The following NFASC variants were observed in gnomAD, a reference collection of about 807,000 sequenced individuals.
NFASC encodes neurofascin.
A neutral mutation model predicts 147.5 loss-of-function variants in NFASC; 43 were observed. The observed-to-expected ratio is 0.29, with a 90% CI of 0.23 to 0.38. The LOEUF (loss-of-function observed/expected upper bound fraction) is 0.38, where lower values mean the gene tolerates loss of function less well. Ranked by LOEUF, NFASC falls within the 10% of genes least tolerant of loss-of-function variation. The probability of loss-of-function intolerance (pLI) is 1.00; values close to 1 mark genes in which losing one functional copy is unlikely to be tolerated. For missense variants in NFASC, 1,320 were observed against 1,689.0 expected (o/e 0.78, Z 3.83); for synonymous variants, 622 against 665.5 (o/e 0.93, Z 1.01).
chr1:204,929,684 T>TGCTCCCTGGGGAATGGGAGCTGGGGAGTC (rs1251686496), intron 2 of NFASC, among the ~76,000 whole-genome samples: 85 of 152,162 alleles, frequency 5.6e-4, no homozygotes, highest in Non-Finnish European at 1.1e-3. Context: ...CTGTGGCAGG[T>TGCTCCCTGGGGAATGGGAGCTGGGGAGTC]GCTCCCTGGG....
chr1:204,832,488 G>A (rs1672506512), intron 1 of NFASC, among the ~76,000 whole-genome samples: 1 of 152,148 alleles, frequency 6.6e-6, no homozygotes, highest in South Asian at 2.1e-4. Context: ...AGTCATTGAT[G>A]GGGAGGGCAA....
intron 1 of NFASC, among the ~76,000 whole-genome samples, chr1:204,887,586 CTTTTTTTTT>C (rs200468415): frequency 7.1e-5 from 3 of 42,336 alleles, no homozygotes; most frequent in East Asian, 5.2e-4. Flanking sequence ...GCCTGATTGG[CTTTTTTTTT>C]TTTTTTTTTT....
intron 27 of NFASC, among the ~76,000 whole-genome samples, chr1:205,006,226 A>C: frequency 6.6e-6 from 1 of 152,174 alleles, no homozygotes; most frequent in South Asian, 2.1e-4. Context: ...AGTAAGATTA[A>C]ATTCACCCAT....
chr1:204,870,592 C>A, intron 1 of NFASC: 1 of 882,666 alleles, frequency 1.1e-6, no homozygotes, highest in Non-Finnish European at 1.4e-6. Flanking sequence ...GTCTCTCTGT[C>A]TATCCCCTCA....
chr1:204,987,136 T>C lies in NFASC; in HGVS notation c.2471-282T>C. ...TGCAGAATCAGAGCCTAACATGTGC[T>C]GAATCCAGAGTAGTTGCTAGAAGAA... On this transcript the variant is annotated intron_variant, in intron 21 of 29. Transcript: ENST00000339876. This position sits in a 1 kb window ranked among gnomAD's most constrained non-coding sequence, Gnocchi z 4.4. 1 of 479,564 alleles carries C rather than the reference T, an allele frequency of 2.1e-6. No individual in the cohort carries two copies. Among genetic ancestry groups the C allele is most frequent in the Non-Finnish European group, 3.7e-6 (1 of 267,282 alleles). The allele number at this position is 479,564 out of a possible 1,614,324, so 29.7% of individuals were successfully genotyped here.
intron 2 of NFASC, among the ~76,000 whole-genome samples, chr1:204,924,439 T>C (rs1245147557): frequency 2.0e-5 from 3 of 152,220 alleles, no homozygotes; most frequent in African/African-American, 4.8e-5. Context: ...TAAACCAATA[T>C]TGGCAGCTGA....
intron 2 of NFASC, among the ~76,000 whole-genome samples, chr1:204,939,034 ATGGATG>A (rs1466206879): frequency 1.6e-5 from 1 of 61,352 alleles, no homozygotes; most frequent in Non-Finnish European, 3.6e-5. Flanking sequence ...TCCTGTATGG[ATGGATG>A]TGTGTGTGTG....
chr1:204,934,846 TAG>T (rs2092696335), intron 2 of NFASC, among the ~76,000 whole-genome samples: 1 of 152,118 alleles, frequency 6.6e-6, no homozygotes, highest in Non-Finnish European at 1.5e-5. Flanking sequence ...GAGAAAGGGG[TAG>T]AGATGAATTC....
chr1:204,896,467 C>A (rs1356799101), intron 1 of NFASC, among the ~76,000 whole-genome samples: 1 of 152,216 alleles, frequency 6.6e-6, no homozygotes, highest in Non-Finnish European at 1.5e-5. Context: ...TGTGTTTAAA[C>A]TCTGTGTTTC....
chr1:204,887,293 T>C (rs1204345856), intron 1 of NFASC, among the ~76,000 whole-genome samples: 1 of 152,210 alleles, frequency 6.6e-6, no homozygotes, highest in Non-Finnish European at 1.5e-5. Context: ...AGCATGAATG[T>C]CTTCAAGGTT....
intron 8 of NFASC, 49 bp downstream of exon 8, chr1:204,957,875 A>G (rs1352953862): frequency 6.4e-7 from 1 of 1,568,318 alleles, no homozygotes; most frequent in South Asian, 1.1e-5. Flanking sequence ...AAAGAAGCCC[A>G]CTGATCCCAC....
intron 1 of NFASC, among the ~76,000 whole-genome samples, chr1:204,843,467 T>C (rs2102534310): frequency 6.6e-6 from 1 of 152,342 alleles, no homozygotes; most frequent in Non-Finnish European, 1.5e-5. Context: ...GTTTTACTTA[T>C]ACTAATTTCT....
At chr1:204,865,196 T>G (rs2077013016) in intron 1 of NFASC, among the ~76,000 whole-genome samples, 2 of 152,244 alleles carry the variant, frequency 1.3e-5, no homozygotes, top group Admixed American at 1.3e-4. Context: ...GAACCCCATA[T>G]ATACTATGTT....
intron 2 of NFASC, among the ~76,000 whole-genome samples, chr1:204,930,830 G>C (rs542454057): frequency 6.6e-6 from 1 of 152,340 alleles, no homozygotes; most frequent in African/African-American, 2.4e-5. Flanking sequence ...GGTGCAGAAA[G>C]CACGTGGCCT....
chr1:204,987,468 A>G lies in NFASC; in HGVS notation c.2521A>G (p.Ile841Val), dbSNP rs1427818161. 2.5e-6 allele frequency: 4 copies of G among 1,614,082 alleles called. No individual in the cohort carries two copies. Among genetic ancestry groups the G allele is most frequent in the East Asian group, 2.2e-5 (1 of 44,880 alleles). Residue 841 changes from isoleucine (I) to valine (V), a missense_variant, in exon 22 of 30, where the codon ATC (isoleucine) becomes GTC (valine). Transcript: ENST00000339876. This position sits in a 1 kb window ranked among gnomAD's most constrained non-coding sequence, Gnocchi z 4.4. ...FRVRQPNLET[I>V]NLEWDHPEHP... is the part of the protein sequence containing the mutation. ...AGTCCGGCAGCCCAACCTGGAGACA[A>G]TCAACCTGGAATGGGATCATCCTGA...
intron 24 of NFASC, among the ~76,000 whole-genome samples, chr1:204,994,133 T>A (rs2095799057): frequency 6.6e-6 from 1 of 152,186 alleles, no homozygotes; most frequent in Non-Finnish European, 1.5e-5. Flanking sequence ...CTATGGTAAC[T>A]TCAATGGTGG....
chr1:204,831,220 C>T (rs571869937), intron 1 of NFASC, among the ~76,000 whole-genome samples: 2 of 152,096 alleles, frequency 1.3e-5, no homozygotes, highest in South Asian at 2.1e-4. Flanking sequence ...TTTCACCCCT[C>T]ACCCCCTTGT....
chr1:204,944,534 G>T, intron 3 of NFASC, 128 bp downstream of exon 3: 1 of 761,508 alleles, frequency 1.3e-6, no homozygotes, highest in South Asian at 2.0e-5. Flanking sequence ...AGTGGATTCT[G>T]AGATTCAGAG....
intron 1 of NFASC, among the ~76,000 whole-genome samples, chr1:204,903,531 C>T (rs1342437009): frequency 6.6e-6 from 1 of 152,222 alleles, no homozygotes; most frequent in Non-Finnish European, 1.5e-5. Context: ...TCCTGTCCAT[C>T]GGCTTGTGAT....
Sources: allele counts gnomAD v4.1 joint callset (sites outside exome capture counted in the v4.1 genomes callset), GRCh38; gene constraint gnomAD v4.1.1; non-coding constraint Gnocchi (gnomAD v3.1); transcripts MANE v1.5; gene names NCBI Gene and HGNC (gene_info 2026-07-23, HGNC 2026-07-21).